The following LRP1B variants were observed in gnomAD, a reference collection of about 807,000 sequenced individuals.
LRP1B encodes low-density lipoprotein receptor-related protein 1B.
In LRP1B, 217 loss-of-function variants were observed where a neutral mutation model predicts 556.6. That is an observed-to-expected ratio of 0.39 (90% CI 0.35 to 0.44). The LOEUF (loss-of-function observed/expected upper bound fraction) is 0.44. Ranked by LOEUF, LRP1B falls within the 20% of genes least tolerant of loss-of-function variation. LRP1B has a pLI of 1.00. For missense variants in LRP1B, 5,053 were observed against 5,620.8 expected, an observed-to-expected ratio of 0.90 and a Z score of 3.23; for synonymous variants, 2,047 against 1,865.8, an observed-to-expected ratio of 1.10 and a Z score of -2.50.
chr2:141,891,634 T>G (rs999213151), intron 1 of LRP1B, among the ~76,000 whole-genome samples: 14 of 152,264 alleles, frequency 9.2e-5, no homozygotes, highest in African/African-American at 3.4e-4. Flanking sequence ...AATGTTAGAA[T>G]GTTGTATTAT....
intron 3 of LRP1B, among the ~76,000 whole-genome samples, chr2:141,380,889 G>A (rs1381934762): frequency 6.6e-6 from 1 of 152,102 alleles, no homozygotes; most frequent in East Asian, 1.9e-4. Flanking sequence ...TAAGCTCAAA[G>A]GTGGGAGGCA....
At chr2:140,617,465 T>C (rs1010495429) in intron 41 of LRP1B, among the ~76,000 whole-genome samples, 5 of 152,030 alleles carry the variant, frequency 3.3e-5, no homozygotes, top group African/African-American at 4.8e-5. Flanking sequence ...GCAGTATTTC[T>C]TTCTCAGAGA....
At chr2:141,879,093 T>C (rs1698869079) in intron 1 of LRP1B, among the ~76,000 whole-genome samples, 1 of 151,924 alleles carries the variant, frequency 6.6e-6, no homozygotes, top group South Asian at 2.1e-4. Context: ...ATAATTATGA[T>C]AAATCAAAAT....
At chr2:141,706,496 A>C (rs1202149492) in intron 2 of LRP1B, among the ~76,000 whole-genome samples, 3 of 152,062 alleles carry the variant, frequency 2.0e-5, no homozygotes, top group Admixed American at 2.0e-4. Context: ...TCTACAACTC[A>C]ACTCTCAGTG....
chr2:141,640,054 T>C (rs971581041), intron 2 of LRP1B, among the ~76,000 whole-genome samples: 1 of 152,172 alleles, frequency 6.6e-6, no homozygotes. Context: ...AGCTAATAAT[T>C]GTCATCACCT....
chr2:141,012,941 A>ATTC (rs1697797297), intron 14 of LRP1B, among the ~76,000 whole-genome samples: 1 of 151,912 alleles, frequency 6.6e-6, no homozygotes, highest in African/African-American at 2.4e-5. Flanking sequence ...TTCTTCATTC[A>ATTC]ATACCTAAAT....
Position 140,501,815 on chromosome 2 carries a change from C to T in LRP1B, c.8722G>A (p.Gly2908Ser). 1 of 1,612,332 alleles carries T rather than the reference C, an allele frequency of 6.2e-7. No homozygotes were observed. The highest frequency in any genetic ancestry group is 1.1e-5 in the South Asian group (1 of 90,918). The change falls in exon 55 of 91, where the codon GGT (glycine) becomes AGT (serine). Residue 2908 changes from glycine (G) to serine (S), a missense_variant. By Grantham distance (56) the Gly-to-Ser change is moderately conservative. Transcript: ENST00000389484. ...CKNGRCIPSGGLCDNKDDCGD... is the reference protein window; with the variant it reads ...CKNGRCIPSGSLCDNKDDCGD... Reference sequence around the variant, plus strand: ...CAGTCATCCTTATTGTCGCAAAGACCTCCACTGGGAATGCACCTGCCATTT... The same window carrying T: ...CAGTCATCCTTATTGTCGCAAAGACTTCCACTGGGAATGCACCTGCCATTT...
At chr2:141,107,945 GA>G (rs1354358256) in intron 7 of LRP1B, among the ~76,000 whole-genome samples, 2 of 151,972 alleles carry the variant, frequency 1.3e-5, no homozygotes, top group South Asian at 2.1e-4. Context: ...TACACAGTTG[GA>G]AAAAAAGTAT....
intron 31 of LRP1B, among the ~76,000 whole-genome samples, chr2:140,829,056 G>T (rs772646543): frequency 6.6e-6 from 1 of 152,038 alleles, no homozygotes; most frequent in Non-Finnish European, 1.5e-5. Context: ...TAATAAAAAA[G>T]AGATTAATTC....
At chr2:141,832,200 TA>T (rs1228766877) in intron 1 of LRP1B, among the ~76,000 whole-genome samples, 3 of 151,686 alleles carry the variant, frequency 2.0e-5, no homozygotes, top group Non-Finnish European at 3.0e-5. Flanking sequence ...CTGGTTCATT[TA>T]TTTTTTTTTT....
At chr2:141,398,141 G>A (rs1195769975) in intron 3 of LRP1B, among the ~76,000 whole-genome samples, 1 of 152,114 alleles carries the variant, frequency 6.6e-6, no homozygotes, top group Non-Finnish European at 1.5e-5. Flanking sequence ...AGAGCCCAGA[G>A]AAGAAGCATT....
At chr2:140,983,476 A>G (rs994826057) in intron 17 of LRP1B, among the ~76,000 whole-genome samples, 1 of 152,178 alleles carries the variant, frequency 6.6e-6, no homozygotes. Context: ...TGGTTGATAT[A>G]AGAAAGAGTG....
intron 41 of LRP1B, among the ~76,000 whole-genome samples, chr2:140,609,135 G>A (rs1682977780): frequency 6.6e-6 from 1 of 152,158 alleles, no homozygotes. Flanking sequence ...AGCAGAGCAT[G>A]AACTCCGCGG....
At chr2:141,361,751 G>A (rs1688834208) in intron 3 of LRP1B, among the ~76,000 whole-genome samples, 1 of 152,150 alleles carries the variant, frequency 6.6e-6, no homozygotes, top group Non-Finnish European at 1.5e-5. Flanking sequence ...ATCTGAAGAA[G>A]AACGCTGTTC....
chr2:140,320,929 A>G (rs576394122), intron 82 of LRP1B, among the ~76,000 whole-genome samples: 1 of 152,038 alleles, frequency 6.6e-6, no homozygotes, highest in Non-Finnish European at 1.5e-5. Flanking sequence ...AGTGACACAT[A>G]CCTGTAGTCC....
intron 1 of LRP1B, among the ~76,000 whole-genome samples, chr2:141,981,552 G>A (rs7564502): frequency 0.58 from 88,344 of 151,878 alleles, 26,115 homozygotes; most frequent in Middle Eastern, 0.68. Flanking sequence ...TTCTGTGTTC[G>A]AGATTATAAG....
At chr2:141,467,073 T>C (rs2105058457) in intron 3 of LRP1B, among the ~76,000 whole-genome samples, 1 of 120,576 alleles carries the variant, frequency 8.3e-6, no homozygotes, top group Admixed American at 8.8e-5. Flanking sequence ...CCAGGATATA[T>C]ATATACACAC....
chr2:141,697,947 C>T (rs1332019966), intron 2 of LRP1B, among the ~76,000 whole-genome samples: 1 of 151,894 alleles, frequency 6.6e-6, no homozygotes, highest in East Asian at 1.9e-4. Context: ...CTTCTACCCT[C>T]ATTATGTTTA....
intron 1 of LRP1B, among the ~76,000 whole-genome samples, chr2:141,965,767 G>C (rs370455727): frequency 4.6e-5 from 5 of 107,820 alleles, no homozygotes; most frequent in African/African-American, 1.6e-4. Context: ...AATAATAATA[G>C]TAATAATAAA....
Sources: gnomAD v4.1 joint callset for allele counts (sites outside exome capture counted in the v4.1 genomes callset) on GRCh38, gnomAD v4.1.1 for gene constraint, MANE v1.5 for transcripts, NCBI Gene and HGNC (gene_info 2026-07-23, HGNC 2026-07-21) for gene names.